VAV3: variants seen among roughly 807,000 people sequenced by gnomAD.
VAV3 encodes the protein vav guanine nucleotide exchange factor 3, also known as guanine nucleotide exchange factor VAV3.
A neutral mutation model predicts 131.2 loss-of-function variants in VAV3; 94 were observed. The observed-to-expected ratio is 0.72, with a 90% CI of 0.61 to 0.85. VAV3 has a LOEUF of 0.85. Ranked by LOEUF, VAV3 falls within the 40% of genes least tolerant of loss-of-function variation. The probability of loss-of-function intolerance (pLI) is 0.00; values close to 1 mark genes in which losing one functional copy is unlikely to be tolerated. For missense variants in VAV3, 939 were observed against 1,002.7 expected (o/e 0.94, Z 0.86); for synonymous variants, 349 against 342.0 (o/e 1.02, Z -0.22).
rs142988349 is a variant in VAV3, at chr1:107,915,400, A to G, written c.205-40383T>C. Reference sequence around the variant, plus strand: ...TTTAATTTCTGATAAACCAGGTGCAAGTTATGACTATCACCCCCATGTGAT... The same window carrying G: ...TTTAATTTCTGATAAACCAGGTGCAGGTTATGACTATCACCCCCATGTGAT... On this transcript the variant is annotated intron_variant, in intron 1 of 26. Transcript: ENST00000370056. Among the ~76,000 whole-genome samples the G allele has an allele frequency of 3.3e-5, 5 of 152,302 alleles. No individual in the cohort carries two copies. In the East Asian group the frequency reaches 9.7e-4, roughly 29 times the overall value.
chr1:107,662,215 A>G (rs1379788771), intron 19 of VAV3, among the ~76,000 whole-genome samples: 3 of 152,196 alleles, frequency 2.0e-5, no homozygotes, highest in African/African-American at 4.8e-5. Context: ...TCCCCACACG[A>G]CATGAATACA....
Position 107,740,756 on chromosome 1 carries a change from G to A in VAV3, c.1502+8212C>T, listed in dbSNP as rs556683697. 3.7e-4 allele frequency among the ~76,000 whole-genome samples: 57 copies of A among 152,190 alleles called. 1 individual carries two copies. Among genetic ancestry groups the A allele is most frequent in the African/African-American group, 1.2e-3 (48 of 41,522 alleles). ...ACAGGGGTCACTAACTACAGCCCAC[G>A]GGCCAAATACAACCACTAGTGTTTT... On this transcript the variant is annotated intron_variant, in intron 15 of 26. Coordinates refer to ENST00000370056, the MANE Select transcript of VAV3 (RefSeq NM_006113.5).
chr1:107,573,992 A>T (rs961724688), intron 26 of VAV3, 55 bp downstream of exon 26: 35 of 1,595,450 alleles, frequency 2.2e-5, no homozygotes, highest in Non-Finnish European at 2.7e-5. Context: ...GGGTGCAAAC[A>T]ACTGCTCAGT....
chr1:107,948,414 T>C (rs1674373438), intron 1 of VAV3, among the ~76,000 whole-genome samples: 1 of 152,246 alleles, frequency 6.6e-6, no homozygotes, highest in African/African-American at 2.4e-5. Flanking sequence ...AGACTGGTTC[T>C]GGCAAACCAA....
At position 107,573,588 on chromosome 1, in the gene VAV3, A is replaced by C. The variant is rs1319075144; in HGVS notation, c.2503-216T>G. ...ATAAACAGTGTTCTAATCCACTAGC[A>C]CACAAATAAATATGTAAATTAAGTA... On this transcript the variant is annotated intron_variant, in intron 26 of 26. Coordinates refer to ENST00000370056, the MANE Select transcript of VAV3 (RefSeq NM_006113.5). 2.6e-5 allele frequency among the ~76,000 whole-genome samples: 4 copies of C among 152,250 alleles called. No individual in the cohort carries two copies. In the East Asian group the frequency reaches 7.7e-4, roughly 29 times the overall value.
At chr1:107,944,305 A>G (rs1674144629) in intron 1 of VAV3, among the ~76,000 whole-genome samples, 1 of 152,202 alleles carries the variant, frequency 6.6e-6, no homozygotes, top group African/African-American at 2.4e-5. Flanking sequence ...TAAAAATGAG[A>G]ATAGACTGTA....
chr1:107,602,078 C>A (rs1040183942), intron 24 of VAV3, among the ~76,000 whole-genome samples: 1 of 151,866 alleles, frequency 6.6e-6, no homozygotes, highest in African/African-American at 2.4e-5. Flanking sequence ...CTGTCCTCTG[C>A]CTGAATCAGG....
intron 18 of VAV3, among the ~76,000 whole-genome samples, chr1:107,687,796 T>A (rs1013593025): frequency 1.3e-5 from 2 of 152,018 alleles, no homozygotes; most frequent in African/African-American, 4.8e-5. Context: ...TTTAAATAAC[T>A]TTTTTTTGGA....
At chr1:107,584,495 C>T (rs1390150855) in intron 25 of VAV3, among the ~76,000 whole-genome samples, 2 of 152,072 alleles carry the variant, frequency 1.3e-5, no homozygotes, top group Admixed American at 1.3e-4. Flanking sequence ...AGAAAATTTT[C>T]ACAACCTACT....
intron 2 of VAV3, among the ~76,000 whole-genome samples, chr1:107,852,149 G>A (rs540411023): frequency 6.6e-6 from 1 of 152,190 alleles, no homozygotes; most frequent in East Asian, 1.9e-4. Flanking sequence ...ATGGAACTAA[G>A]ACTGTACCTA....
At chr1:107,664,124 C>A (rs1404506994) in intron 19 of VAV3, among the ~76,000 whole-genome samples, 2 of 152,048 alleles carry the variant, frequency 1.3e-5, no homozygotes, top group Non-Finnish European at 2.9e-5. Context: ...TTAGCTATTA[C>A]ATAATGTTTT....
intron 19 of VAV3, among the ~76,000 whole-genome samples, chr1:107,659,054 G>A (rs1452996069): frequency 2.6e-5 from 4 of 152,002 alleles, no homozygotes; most frequent in Non-Finnish European, 5.9e-5. Context: ...TAACGCCTAG[G>A]TTTTCTTCTA....
chr1:107,862,810 A>G (rs1669801828), intron 2 of VAV3: 1 of 144,446 alleles, frequency 6.9e-6, no homozygotes, highest in Admixed American at 6.9e-5. Flanking sequence ...CCTTGGAAAT[A>G]CAGACAAATA....
chr1:107,716,109 T>C (rs959309166), intron 15 of VAV3, among the ~76,000 whole-genome samples: 2 of 152,186 alleles, frequency 1.3e-5, no homozygotes, highest in African/African-American at 4.8e-5. Context: ...ATCCTTCAAA[T>C]ACAAAGTCTT....
intron 19 of VAV3, chr1:107,668,710 G>A (rs1657577355): frequency 6.1e-6 from 6 of 985,248 alleles, no homozygotes; most frequent in Non-Finnish European, 7.2e-6. Flanking sequence ...GTCTAGAGAG[G>A]AGGAAACTAA....
rs545192570 is a variant in VAV3 at position 107,637,962 on chromosome 1, A to G, written c.1914+4657T>C. Among the ~76,000 whole-genome samples the G allele has an allele frequency of 2.0e-5, 3 of 152,352 alleles. No individual in the cohort carries two copies. In the East Asian group the frequency reaches 5.8e-4, roughly 29 times the overall value. ...CCGCATTAATAAAAACAAAAATTAT[A>G]TCATCATTTCAATGGATGCAGAAGA... is the stretch of plus-strand genomic sequence containing the variant. On this transcript the variant is annotated intron_variant, in intron 20 of 26. Coordinates refer to ENST00000370056, the MANE Select transcript of VAV3 (RefSeq NM_006113.5).
rs746982162 is a variant in VAV3 at position 107,617,556 on chromosome 1, C to T, written c.1980+11G>A. ...AATGAAGCAAGAGAAAATTAAGATA[C>T]TAATACTTACACATGGGCAAGGCTT... On this transcript the variant is annotated intron_variant, in intron 21 of 26. Transcript: ENST00000370056. 22 of 1,604,598 alleles carry T rather than the reference C, an allele frequency of 1.4e-5. 1 individual carries two copies. The South Asian group carries it at 1.9e-4, about 14-fold the overall frequency.
chr1:107,910,816 C>T (rs142488326), intron 1 of VAV3, among the ~76,000 whole-genome samples: 2 of 151,994 alleles, frequency 1.3e-5, no homozygotes, highest in Non-Finnish European at 2.9e-5. Flanking sequence ...CCCATCTCTA[C>T]TAAAAATACT....
chr1:107,835,026 T>A (rs1668409946), intron 2 of VAV3, among the ~76,000 whole-genome samples: 1 of 152,084 alleles, frequency 6.6e-6, no homozygotes. Flanking sequence ...TACAGCAAAA[T>A]GCTCTAATAA....
Sources: gnomAD v4.1 joint callset for allele counts (sites outside exome capture counted in the v4.1 genomes callset) on GRCh38, gnomAD v4.1.1 for gene constraint, MANE v1.5 for transcripts, NCBI Gene and HGNC (gene_info 2026-07-23, HGNC 2026-07-21) for gene names.